Variants in DGKI observed in about 807,000 individuals in gnomAD.
The protein encoded by DGKI is diacylglycerol kinase iota.
Under a neutral mutation model 147.5 loss-of-function variants are expected in DGKI, and 55 were observed. The observed-to-expected ratio is 0.37, with a 90% CI of 0.30 to 0.47. DGKI has a LOEUF of 0.47. DGKI is among the 20% of genes least tolerant of loss of function. The pLI is 1.00. For missense variants in DGKI, 1,007 were observed against 1,323.8 expected (o/e 0.76, Z 3.71); for synonymous variants, 469 against 477.1 (o/e 0.98, Z 0.22).
At chr7:137,728,141 T>C (rs1794764796) in intron 1 of DGKI, among the ~76,000 whole-genome samples, 1 of 152,182 alleles carries the variant, frequency 6.6e-6, no homozygotes, top group South Asian at 2.1e-4. Flanking sequence ...ATGTTTTTAA[T>C]TTGGTGTTTC....
intron 32 of DGKI, among the ~76,000 whole-genome samples, chr7:137,394,131 C>T (rs921883996): frequency 3.9e-5 from 6 of 152,028 alleles, no homozygotes; most frequent in African/African-American, 7.2e-5. Context: ...TGGAGTCTAC[C>T]GAGAGTGTTC....
chr7:137,456,392 G>A (rs544056503), intron 27 of DGKI, among the ~76,000 whole-genome samples: 21 of 152,214 alleles, frequency 1.4e-4, no homozygotes, highest in Admixed American at 1.1e-3. Flanking sequence ...AAATAGACAC[G>A]TATTTATTTT....
intron 1 of DGKI, among the ~76,000 whole-genome samples, chr7:137,770,283 A>G (rs1796144355): frequency 6.8e-6 from 1 of 147,268 alleles, no homozygotes; most frequent in South Asian, 2.3e-4. Flanking sequence ...ACATGGACAC[A>G]GGGAGGGGAA....
intron 23 of DGKI, among the ~76,000 whole-genome samples, chr7:137,470,420 T>A (rs1442691638): frequency 2.0e-5 from 3 of 152,214 alleles, no homozygotes; most frequent in Non-Finnish European, 1.5e-5. Context: ...GACTCTGGAC[T>A]ATCTTTCTTT....
intron 1 of DGKI, chr7:137,722,389 C>A: frequency 1.2e-6 from 2 of 1,612,424 alleles, no homozygotes; most frequent in Admixed American, 3.3e-5. Flanking sequence ...ACCCTTCAGT[C>A]AGCACGTGAG....
intron 1 of DGKI, among the ~76,000 whole-genome samples, chr7:137,794,159 T>C (rs970476179): frequency 6.6e-6 from 1 of 152,220 alleles, no homozygotes; most frequent in Non-Finnish European, 1.5e-5. Flanking sequence ...TAATAAATAA[T>C]TCCCACCTCT....
intron 28 of DGKI, among the ~76,000 whole-genome samples, chr7:137,416,908 A>G (rs1812382285): frequency 6.6e-6 from 1 of 152,214 alleles, no homozygotes; most frequent in South Asian, 2.1e-4. Flanking sequence ...ATTTATTTTA[A>G]GTCAAGCAAT....
chr7:137,534,086 T>C (rs1393459666), intron 20 of DGKI, among the ~76,000 whole-genome samples: 1 of 152,156 alleles, frequency 6.6e-6, no homozygotes, highest in Admixed American at 6.6e-5. Context: ...GAAGCCCTCC[T>C]ACAAATGAAA....
At chr7:137,565,988 T>C (rs1275613746) in intron 19 of DGKI, among the ~76,000 whole-genome samples, 1 of 151,208 alleles carries the variant, frequency 6.6e-6, no homozygotes, top group African/African-American at 2.5e-5. Flanking sequence ...AGCTCTCTTA[T>C]AATAAAAGTG....
chr7:137,477,993 A>G (rs575229114), intron 23 of DGKI, among the ~76,000 whole-genome samples: 1 of 152,302 alleles, frequency 6.6e-6, no homozygotes, highest in South Asian at 2.1e-4. Context: ...ATCCCCACAT[A>G]TGTATTCATG....
At chr7:137,843,756 T>TACACACAC (rs71177923) in intron 1 of DGKI, among the ~76,000 whole-genome samples, 35,686 of 137,564 alleles carry the variant, frequency 0.26, 5,222 homozygotes, top group East Asian at 0.52. Context: ...GAGACCCCCC[T>TACACACAC]ACACACACAC....
At chr7:137,743,455 A>G (rs1398471297) in intron 1 of DGKI, among the ~76,000 whole-genome samples, 2 of 152,236 alleles carry the variant, frequency 1.3e-5, no homozygotes, top group African/African-American at 4.8e-5. Context: ...AGGGATTAAA[A>G]ATAGAAATCA....
chr7:137,760,366 C>T (rs1795820878), intron 1 of DGKI, among the ~76,000 whole-genome samples: 1 of 152,208 alleles, frequency 6.6e-6, no homozygotes, highest in Admixed American at 6.5e-5. Flanking sequence ...ATCTGCTTTG[C>T]TTGCTAAACA....
intron 5 of DGKI, among the ~76,000 whole-genome samples, chr7:137,648,134 A>G (rs1006363501): frequency 1.6e-4 from 24 of 152,240 alleles, no homozygotes; most frequent in African/African-American, 5.8e-4. Context: ...GTCAGACAGT[A>G]TCATACAGAA....
chr7:137,461,313 C>T (rs1163131618), intron 27 of DGKI, among the ~76,000 whole-genome samples: 1 of 152,122 alleles, frequency 6.6e-6, no homozygotes, highest in Non-Finnish European at 1.5e-5. Context: ...ATCTGTTAAG[C>T]AACAGCTAAA....
intron 28 of DGKI, among the ~76,000 whole-genome samples, chr7:137,443,070 G>A (rs866394189): frequency 1.4e-4 from 21 of 152,252 alleles, no homozygotes; most frequent in African/African-American, 5.1e-4. Context: ...GAAATTTGAT[G>A]TAGAATTAGA....
intron 1 of DGKI, among the ~76,000 whole-genome samples, chr7:137,723,561 T>A (rs1011346932): frequency 1.3e-5 from 2 of 152,090 alleles, no homozygotes; most frequent in Non-Finnish European, 2.9e-5. Flanking sequence ...CCGCTTGAGA[T>A]AGCTTACTGC....
chr7:137,556,413 A>G (rs1236031927), intron 19 of DGKI, among the ~76,000 whole-genome samples: 1 of 152,148 alleles, frequency 6.6e-6, no homozygotes, highest in Non-Finnish European at 1.5e-5. Context: ...TAAAAGAAAA[A>G]ATGCAAACTT....
At position 137,728,182 on chromosome 7, in the gene DGKI, A is replaced by G. The variant is rs1794766450; in HGVS notation, c.402-38180T>C. Among the ~76,000 whole-genome samples the G allele has an allele frequency of 1.3e-5, 2 of 152,148 alleles. 1 individual carries two copies. The highest frequency in any genetic ancestry group is 1.3e-4 in the Admixed American group (2 of 15,276). ...AAATGGTAATTTTGGAGGAAACTTT[A>G]AAAGAAAAATTACAGCAAGTCACAA... On this transcript the variant is annotated intron_variant, in intron 1 of 32. Transcript: ENST00000614521.
Sources: gnomAD v4.1 joint callset for allele counts (sites outside exome capture counted in the v4.1 genomes callset) on GRCh38, gnomAD v4.1.1 for gene constraint, MANE v1.5 for transcripts, NCBI Gene and HGNC (gene_info 2026-07-23, HGNC 2026-07-21) for gene names.